QKI: variants seen among roughly 807,000 people sequenced by gnomAD.
QKI encodes KH domain-containing RNA-binding protein QKI.
QKI carries 10 observed loss-of-function variants against 39.0 expected under a neutral mutation model. That is an observed-to-expected ratio of 0.26 (90% CI 0.16 to 0.43). The LOEUF (loss-of-function observed/expected upper bound fraction) is 0.43. Among genes scored for constraint, QKI ranks in the 20% least tolerant of loss-of-function variants. The pLI is 1.00. For synonymous variants in QKI, 204 were observed against 155.4 expected (o/e 1.31, Z -2.33); for missense variants, 218 against 428.0 (o/e 0.51, Z 4.33).
At chr6:163,488,856 C>T (rs1373085212) in intron 3 of QKI, among the ~76,000 whole-genome samples, 1 of 152,080 alleles carries the variant, frequency 6.6e-6, no homozygotes, top group Non-Finnish European at 1.5e-5. Context: ...GCAAAATATG[C>T]AAAGCAGAGA....
chr6:163,568,991 CAG>C (rs993523739), intron 7 of QKI: 24 of 985,318 alleles, frequency 2.4e-5, no homozygotes, highest in African/African-American at 3.5e-5. Flanking sequence ...GAAAAGAAGT[CAG>C]AGTTTTTTCT....
At chr6:163,519,565 A>C (rs1299448064) in intron 3 of QKI, among the ~76,000 whole-genome samples, 1 of 151,752 alleles carries the variant, frequency 6.6e-6, no homozygotes, top group Admixed American at 6.6e-5. Context: ...TCACATGTGA[A>C]AAATAAGTTA....
chr6:163,566,086 C>CT (rs934850762), intron 6 of QKI: 5 of 1,531,314 alleles, frequency 3.3e-6, no homozygotes, highest in Non-Finnish European at 3.5e-6. Context: ...CTTACTTGCA[C>CT]TTTTTGCACA....
At chr6:163,558,326 A>G (rs1782768274) in intron 4 of QKI, among the ~76,000 whole-genome samples, 1 of 152,190 alleles carries the variant, frequency 6.6e-6, no homozygotes, top group South Asian at 2.1e-4. Flanking sequence ...AAACCAGGAC[A>G]GTAACATTGA....
chr6:163,545,009 A>G (rs1418775463), intron 4 of QKI, among the ~76,000 whole-genome samples: 1 of 152,126 alleles, frequency 6.6e-6, no homozygotes, highest in Non-Finnish European at 1.5e-5. Flanking sequence ...TGGACAGATA[A>G]TGTCCTAAAA....
At chr6:163,526,604 C>T (rs1780531887) in intron 3 of QKI, among the ~76,000 whole-genome samples, 1 of 152,124 alleles carries the variant, frequency 6.6e-6, no homozygotes, top group Admixed American at 6.5e-5. Context: ...TAAATATTTG[C>T]CAGCTTTAAA....
At chr6:163,465,023 T>C (rs537547958) in intron 2 of QKI, among the ~76,000 whole-genome samples, 7 of 152,208 alleles carry the variant, frequency 4.6e-5, no homozygotes, top group African/African-American at 1.7e-4. Context: ...GTAAAAATGG[T>C]TCAACATATG....
intron 7 of QKI, chr6:163,567,423 A>G (rs749046765): frequency 2.0e-6 from 2 of 985,738 alleles, no homozygotes; most frequent in Non-Finnish European, 2.4e-6. Context: ...TCTCTTGCCA[A>G]AATGGATCCT....
At chr6:163,496,713 G>C (rs1180303231) in intron 3 of QKI, among the ~76,000 whole-genome samples, 1 of 152,108 alleles carries the variant, frequency 6.6e-6, no homozygotes, top group Non-Finnish European at 1.5e-5. Flanking sequence ...ACATACACAT[G>C]CTCTCATCAT....
chr6:163,439,957 A>G (rs1192392416), intron 1 of QKI, among the ~76,000 whole-genome samples: 1 of 152,102 alleles, frequency 6.6e-6, no homozygotes, highest in Non-Finnish European at 1.5e-5. Flanking sequence ...GCCTAGAATA[A>G]TCTTAGAAGT....
intron 4 of QKI, among the ~76,000 whole-genome samples, chr6:163,559,639 G>T (rs968733548): frequency 6.6e-6 from 1 of 152,152 alleles, no homozygotes; most frequent in African/African-American, 2.4e-5. Flanking sequence ...TTTTTAAAAA[G>T]TTGGCAGTAG....
chr6:163,555,497 G>A (rs1346937880), intron 4 of QKI, among the ~76,000 whole-genome samples: 6 of 90,854 alleles, frequency 6.6e-5, no homozygotes, highest in Non-Finnish European at 9.7e-5. Context: ...GCGACAGAGC[G>A]AAACTCCAGC....
Position 163,415,114 on chromosome 6 carries a change from C to T in QKI, c.-80C>T, listed in dbSNP as rs1162434655. Reference sequence around the variant, plus strand: ...CGCCGGGTCCCGAGCGGCCCGCGGCCGGGGCTCGCCCCCGCCCCTCCCTCC... The same window carrying T: ...CGCCGGGTCCCGAGCGGCCCGCGGCTGGGGCTCGCCCCCGCCCCTCCCTCC... On this transcript the variant is annotated 5_prime_UTR_variant, in exon 1 of 8. Coordinates refer to ENST00000361752, the MANE Select transcript of QKI (RefSeq NM_006775.3). 1 of 1,080,076 alleles carries T rather than the reference C, an allele frequency of 9.3e-7. No individual in the cohort carries two copies. The allele number at this position is 1,080,076 out of a possible 1,614,324, so 66.9% of individuals were successfully genotyped here. A position where few individuals can be genotyped will look rare whatever the true frequency, so the allele number is the denominator to read the frequency against.
At chr6:163,481,734 A>G (rs142556238) in intron 3 of QKI, among the ~76,000 whole-genome samples, 154 of 152,332 alleles carry the variant, frequency 1.0e-3, no homozygotes, top group African/African-American at 3.6e-3. Context: ...TTTAGTGCAT[A>G]AATACCCAGT....
Position 163,496,171 on chromosome 6 carries a change from T to A in QKI, c.402+17275T>A, listed in dbSNP as rs549213231. ...TCCCATTCGTTTGCTGATTTTAGAG[T>A]CTCTCTCCTTGACTTTTACACTGCT... On this transcript the variant is annotated intron_variant, in intron 3 of 7. Coordinates refer to ENST00000361752, the MANE Select transcript of QKI (RefSeq NM_006775.3). Among the ~76,000 whole-genome samples the A allele has an allele frequency of 5.3e-5, 8 of 152,262 alleles. No homozygotes were observed. In the South Asian group the frequency reaches 1.7e-3, roughly 32 times the overall value.
At chr6:163,563,135 T>C (rs1319596621) in intron 5 of QKI, among the ~76,000 whole-genome samples, 1 of 152,226 alleles carries the variant, frequency 6.6e-6, no homozygotes, top group African/African-American at 2.4e-5. Context: ...AAATCTTAGA[T>C]ATATCAAATG....
chr6:163,516,495 A>G (rs1375145746), intron 3 of QKI, among the ~76,000 whole-genome samples: 3 of 152,030 alleles, frequency 2.0e-5, no homozygotes, highest in Non-Finnish European at 4.4e-5. Flanking sequence ...GGGTTTCACC[A>G]TGTTGGCCAG....
At chr6:163,456,755 A>G (rs1790949982) in intron 2 of QKI, among the ~76,000 whole-genome samples, 1 of 152,158 alleles carries the variant, frequency 6.6e-6, no homozygotes, top group African/African-American at 2.4e-5. Flanking sequence ...TTGGAAGATT[A>G]TTGAGTAACA....
intron 4 of QKI, among the ~76,000 whole-genome samples, chr6:163,561,727 G>T (rs1783028538): frequency 1.3e-5 from 2 of 152,142 alleles, no homozygotes. Context: ...CTTTTTAGGG[G>T]AACTTTAATA....
Sources: allele counts gnomAD v4.1 joint callset (sites outside exome capture counted in the v4.1 genomes callset), GRCh38; gene constraint gnomAD v4.1.1; transcripts MANE v1.5; gene names NCBI Gene and HGNC (gene_info 2026-07-23, HGNC 2026-07-21).